The following HNF1B variants were observed in gnomAD, a reference collection of about 807,000 sequenced individuals.
HNF1B encodes the protein HNF1 homeobox B, also known as hepatocyte nuclear factor 1-beta.
In HNF1B, 8 loss-of-function variants were observed where a neutral mutation model predicts 61.7. The observed-to-expected ratio is 0.13, with a 90% CI of 0.08 to 0.23. The LOEUF is 0.23. Among genes scored for constraint, HNF1B ranks in the 10% least tolerant of loss-of-function variants. The pLI, the probability that HNF1B is intolerant of heterozygous loss-of-function variation, is 1.00. For missense variants in HNF1B, 562 were observed against 714.5 expected (o/e 0.79, Z 2.43); for synonymous variants, 314 against 287.7 (o/e 1.09, Z -0.93).
At position 37,744,994 on chromosome 17, in the gene HNF1B, A is replaced by G. The variant is rs2034133334; in HGVS notation, c.-110T>C. 3.2e-6 allele frequency: 3 copies of G among 947,616 alleles called. No individual in the cohort carries two copies. The highest frequency in any genetic ancestry group is 3.3e-5 in the African/African-American group (2 of 61,018). The allele number at this position is 947,616 out of a possible 1,614,324, so 58.7% of individuals were successfully genotyped here. On this transcript the variant is annotated 5_prime_UTR_variant, in exon 1 of 9. Coordinates refer to ENST00000617811, the MANE Select transcript of HNF1B (RefSeq NM_000458.4). ...AAATCCAGGAACCCCTCCACCCTTCAGCCTCCAGACACCTGTTACTCCCCG... is the reference window on the plus strand; with the variant it reads ...AAATCCAGGAACCCCTCCACCCTTCGGCCTCCAGACACCTGTTACTCCCCG...
chr17:37,739,726 A>C, intron 1 of HNF1B, 87 bp from the exon 2 acceptor site: 2 of 1,262,138 alleles, frequency 1.6e-6, no homozygotes, highest in South Asian at 2.6e-5. Context: ...CCTATGGTCT[A>C]TGCAAAATTC....
chr17:37,736,563 G>C (rs1204991022), intron 2 of HNF1B, among the ~76,000 whole-genome samples: 1 of 152,088 alleles, frequency 6.6e-6, no homozygotes, highest in African/African-American at 2.4e-5. Context: ...CTAACTACCA[G>C]CCTGTGCATC....
intron 4 of HNF1B, among the ~76,000 whole-genome samples, chr17:37,715,795 G>A (rs966182482): frequency 1.1e-4 from 17 of 152,102 alleles, no homozygotes; most frequent in Admixed American, 4.6e-4. Context: ...ACTATTTAAC[G>A]GGTATAAAAC....
intron 4 of HNF1B, among the ~76,000 whole-genome samples, chr17:37,714,868 T>G (rs2033052942): frequency 6.6e-6 from 1 of 152,030 alleles, no homozygotes; most frequent in Non-Finnish European, 1.5e-5. Flanking sequence ...TAAAACAAAG[T>G]CACACCATGC....
intron 2 of HNF1B, among the ~76,000 whole-genome samples, chr17:37,736,417 C>G (rs554054941): frequency 6.6e-6 from 1 of 152,300 alleles, no homozygotes; most frequent in African/African-American, 2.4e-5. Flanking sequence ...TACGACCGCT[C>G]CATGTGAGAA....
chr17:37,726,066 A>C (rs1375552272), intron 4 of HNF1B, among the ~76,000 whole-genome samples: 1 of 152,168 alleles, frequency 6.6e-6, no homozygotes, highest in Non-Finnish European at 1.5e-5. Flanking sequence ...CTCTTTGGCC[A>C]TGATCTCCCA....
rs11440398 is a variant in HNF1B at position 37,699,418 on chromosome 17, A to AG, written c.1535-225_1535-224insC. Reference sequence around the variant, plus strand: ...GATGCTTGGCTGTGAGGGAGAGACCACCTGCTCTCAGAACACAGGGCCTAC... The same window carrying AG: ...GATGCTTGGCTGTGAGGGAGAGACCAGCCTGCTCTCAGAACACAGGGCCTAC... On this transcript the variant is annotated intron_variant, in intron 7 of 8. Transcript: ENST00000617811. Among the ~76,000 whole-genome samples the AG allele has an allele frequency of 0.34, 51,132 of 152,052 alleles. 9,186 individuals are homozygous for AG. Among genetic ancestry groups the AG allele is most frequent in the African/African-American group, 0.47 (19,648 of 41,470 alleles).
chr17:37,730,179 A>G (rs1438955958), intron 4 of HNF1B: 1 of 152,670 alleles, frequency 6.6e-6, no homozygotes. Flanking sequence ...CCTTGCCCCA[A>G]CCACGCCCCC....
At chr17:37,687,525 C>T (rs539801230) in intron 8 of HNF1B, 133 bp from the exon 9 acceptor site, 5 of 752,824 alleles carry the variant, frequency 6.6e-6, no homozygotes, top group South Asian at 4.3e-5. Flanking sequence ...CTGGGGGCCT[C>T]GTGTCTGCTC....
intron 4 of HNF1B, among the ~76,000 whole-genome samples, chr17:37,723,252 C>G (rs1402866136): frequency 6.6e-6 from 1 of 151,896 alleles, no homozygotes; most frequent in East Asian, 1.9e-4. Context: ...GAGGCTGAGG[C>G]CGGAGAATGG....
At chr17:37,716,756 T>G (rs978022202) in intron 4 of HNF1B, among the ~76,000 whole-genome samples, 22 of 151,976 alleles carry the variant, frequency 1.4e-4, no homozygotes, top group Non-Finnish European at 5.9e-5. Context: ...CCCTGGCGAT[T>G]TAATTCAGCT....
Position 37,733,553 on chromosome 17 carries a change from T to C in HNF1B, c.809+4A>G. The C allele has an allele frequency of 2.5e-6, 4 of 1,614,166 alleles. No homozygotes were observed. Among genetic ancestry groups the C allele is most frequent in the Non-Finnish European group, 3.4e-6 (4 of 1,180,042 alleles). The stretch of plus-strand genomic sequence containing the variant: ...CTGCCCAGGTGAGCTTCTGGTGGTG[T>C]TACCTGTTGCATTCCTCCACTAAGG... On this transcript the variant is annotated splice_donor_region_variant and intron_variant, in intron 3 of 8. Transcript: ENST00000617811.
At chr17:37,693,032 T>C (rs1377208952) in intron 8 of HNF1B, among the ~76,000 whole-genome samples, 1 of 151,568 alleles carries the variant, frequency 6.6e-6, no homozygotes, top group East Asian at 1.9e-4. Flanking sequence ...CTACTAAAAA[T>C]ACAAAAAATT....
intron 8 of HNF1B, among the ~76,000 whole-genome samples, chr17:37,696,152 A>G (rs2032376101): frequency 6.6e-6 from 1 of 152,126 alleles, no homozygotes. Flanking sequence ...TGGCTGTTTA[A>G]AAGAGTCTAG....
intron 1 of HNF1B, among the ~76,000 whole-genome samples, chr17:37,740,943 A>ATTT (rs1415535473): frequency 2.0e-5 from 3 of 152,232 alleles, no homozygotes; most frequent in Non-Finnish European, 2.9e-5. Context: ...AAAACTAGAA[A>ATTT]TTAAAATAGT....
At chr17:37,740,997 T>C (rs929097078) in intron 1 of HNF1B, among the ~76,000 whole-genome samples, 2 of 152,166 alleles carry the variant, frequency 1.3e-5, no homozygotes, top group African/African-American at 4.8e-5. Flanking sequence ...TATATACATG[T>C]TTACTATTTA....
At chr17:37,708,132 G>A (rs2032812770) in intron 5 of HNF1B, among the ~76,000 whole-genome samples, 1 of 152,184 alleles carries the variant, frequency 6.6e-6, no homozygotes, top group Non-Finnish European at 1.5e-5. Flanking sequence ...ACCGAGCCAA[G>A]ACTTGCACAT....
intron 6 of HNF1B, among the ~76,000 whole-genome samples, chr17:37,704,073 C>T (rs2032658807): frequency 6.6e-6 from 1 of 152,184 alleles, no homozygotes; most frequent in African/African-American, 2.4e-5. Flanking sequence ...CCAAGGGTCA[C>T]AAGGATGGTT....
chr17:37,698,852 T>C (rs919803934), intron 8 of HNF1B, among the ~76,000 whole-genome samples: 1 of 152,142 alleles, frequency 6.6e-6, no homozygotes, highest in African/African-American at 2.4e-5. Flanking sequence ...ACTTCTGTCC[T>C]TGTTTAGTGC....
Sources: gnomAD v4.1 joint callset for allele counts (sites outside exome capture counted in the v4.1 genomes callset) on GRCh38, gnomAD v4.1.1 for gene constraint, MANE v1.5 for transcripts, NCBI Gene and HGNC (gene_info 2026-07-23, HGNC 2026-07-21) for gene names.